Variants in CELF2 observed in about 807,000 individuals in gnomAD.
The protein encoded by CELF2 is CUGBP Elav-like family member 2, also known as CUG triplet repeat RNA-binding protein 2.
In CELF2, 8 loss-of-function variants were observed where a neutral mutation model predicts 62.6. The ratio of observed to expected loss-of-function variants is 0.13; its 90% CI spans 0.07 to 0.23. The LOEUF is 0.23. Ranked by LOEUF, CELF2 falls within the 10% of genes least tolerant of loss-of-function variation. The pLI, the probability that CELF2 is intolerant of heterozygous loss-of-function variation, is 1.00. For synonymous variants in CELF2, 258 were observed against 250.0 expected (o/e 1.03, Z -0.30); for missense variants, 333 against 671.0 (o/e 0.50, Z 5.56).
intron 1 of CELF2, among the ~76,000 whole-genome samples, chr10:11,084,379 T>G (rs2074853481): frequency 6.6e-6 from 1 of 152,218 alleles, no homozygotes; most frequent in African/African-American, 2.4e-5. Context: ...AGGTCCTTAC[T>G]GGGTTGAAAG....
the CELF2 span, among the ~76,000 whole-genome samples, chr10:10,748,550 C>A: frequency 6.6e-6 from 1 of 151,770 alleles, no homozygotes; most frequent in African/African-American, 2.4e-5. Context: ...AGATCGAGAC[C>A]ATCCTGGCTA....
At chr10:10,633,697 TTGAG>T in the CELF2 span, among the ~76,000 whole-genome samples, 1 of 119,422 alleles carries the variant, frequency 8.4e-6, no homozygotes, top group East Asian at 2.0e-4. Flanking sequence ...TTTGAGATTA[TTGAG>T]TATGTCTGTT....
rs34817797 is a variant in CELF2 at position 11,321,519 on chromosome 10, T to TAAA, written c.1294+145_1294+147dup. On this transcript the variant is annotated intron_variant, in intron 11 of 12. Transcript: ENST00000633077. This position sits in a 1 kb window ranked among gnomAD's most constrained non-coding sequence, Gnocchi z 6.2. ...AAGCAGTTGTTTTGTTATTCATGTTTAAAAAAAAAAAAAACTGAAAGCTGG... is the reference window on the plus strand; with the variant it reads ...AAGCAGTTGTTTTGTTATTCATGTTTAAAAAAAAAAAAAAAAACTGAAAGCTGG... 6.6e-5 allele frequency: 38 copies of TAAA among 572,318 alleles called. No individual in the cohort carries two copies. The highest frequency in any genetic ancestry group is 2.7e-4 in the African/African-American group (14 of 52,370). The allele number at this position is 572,318 out of a possible 1,614,324, so 35.5% of individuals were successfully genotyped here.
intron 4 of CELF2, among the ~76,000 whole-genome samples, chr10:11,256,572 T>G (rs944995801): frequency 2.4e-5 from 3 of 127,212 alleles, no homozygotes; most frequent in African/African-American, 7.9e-5. Flanking sequence ...CTGGCTAGCT[T>G]CTTTTTTTTT....
At chr10:10,887,841 G>A (rs1033259197) in intron 1 of CELF2, among the ~76,000 whole-genome samples, 7 of 150,862 alleles carry the variant, frequency 4.6e-5, no homozygotes, top group African/African-American at 7.3e-5. Context: ...CCACAGTCTC[G>A]GCTCACTGCA....
intron 2 of CELF2, among the ~76,000 whole-genome samples, chr10:10,920,744 G>A (rs1215594120): frequency 6.8e-6 from 1 of 147,946 alleles, no homozygotes; most frequent in Non-Finnish European, 1.5e-5. Context: ...AAGAGATGGG[G>A]GTAAGACTGG....
the CELF2 span, among the ~76,000 whole-genome samples, chr10:10,713,402 A>G: frequency 1.3e-5 from 2 of 152,162 alleles, no homozygotes; most frequent in Non-Finnish European, 2.9e-5. Flanking sequence ...ACTTCAGTAA[A>G]CACTTGGGGC....
rs1433263243 is a variant in CELF2 at position 11,332,610 on chromosome 10, G to A, written c.*3557G>A. 1 of 150,610 alleles carries A rather than the reference G, an allele frequency of 6.6e-6. No homozygotes were observed. Among genetic ancestry groups the A allele is most frequent in the Non-Finnish European group, 1.5e-5 (1 of 68,076 alleles). The allele number at this position is 150,610 out of a possible 1,614,324, so 9.3% of individuals were successfully genotyped here. On this transcript the variant is annotated 3_prime_UTR_variant, in exon 13 of 13. Transcript: ENST00000633077. ...TGTCACGCCTACAGCCCCAACACAA[G>A]CTCCAGTCTTCCTCTTCGGCATGCC...
At chr10:10,639,557 T>C in the CELF2 span, among the ~76,000 whole-genome samples, 1 of 152,206 alleles carries the variant, frequency 6.6e-6, no homozygotes, top group South Asian at 2.1e-4. Context: ...CAACTATGCT[T>C]CCTAAATGAC....
rs1278698453 is a variant in CELF2, at chr10:10,947,661, G to C, written c.89+27662G>C. ...GTTTACAGAATAAAGAAATGTATGA[G>C]GGGATGAGTGCCTACTGTGTAATCC... On this transcript the variant is annotated intron_variant, in intron 2 of 13. Transcript: ENST00000636488. This position sits in a 1 kb window ranked among gnomAD's most constrained non-coding sequence, Gnocchi z 4.1. 6.6e-6 allele frequency: 1 copy of C among 152,458 alleles called. No individual in the cohort carries two copies. The highest frequency in any genetic ancestry group is 1.5e-5 in the Non-Finnish European group (1 of 68,038). The allele number at this position is 152,458 out of a possible 1,614,324, so 9.4% of individuals were successfully genotyped here.
At chr10:11,144,900 GAAA>G (rs397846995) in intron 1 of CELF2, among the ~76,000 whole-genome samples, 4,680 of 73,962 alleles carry the variant, frequency 0.063, 65 homozygotes, top group Middle Eastern at 0.12. Context: ...TCAGGAAACA[GAAA>G]AAAAAAAAAA....
the CELF2 span, among the ~76,000 whole-genome samples, chr10:10,565,484 C>G: frequency 6.6e-6 from 1 of 152,208 alleles, no homozygotes; most frequent in Non-Finnish European, 1.5e-5. Context: ...ACTGGAATCT[C>G]TCATTATCCT....
In CELF2 at chr10:10,972,251, A is replaced by G. The variant is rs1025632622; in HGVS notation, c.89+52252A>G. On this transcript the variant is annotated intron_variant, in intron 2 of 13. Coordinates refer to the CELF2 transcript ENST00000636488. This position sits in a 1 kb window ranked among gnomAD's most constrained non-coding sequence, Gnocchi z 4.4. ...AACACAACTTTTGAAGGATATGAAT[A>G]GGTTTTATAGAAAATGAAGAGTTCT... Among the ~76,000 whole-genome samples the G allele has an allele frequency of 2.0e-5, 3 of 152,242 alleles. No individual in the cohort carries two copies. Among genetic ancestry groups the G allele is most frequent in the East Asian group, 3.8e-4 (2 of 5,204 alleles).
At chr10:10,574,059 A>G in the CELF2 span, among the ~76,000 whole-genome samples, 1 of 152,196 alleles carries the variant, frequency 6.6e-6, no homozygotes, top group Non-Finnish European at 1.5e-5. Context: ...TTGTATTTTA[A>G]AGAGAAGTTG....
chr10:10,589,764 G>A, the CELF2 span, among the ~76,000 whole-genome samples: 3 of 152,152 alleles, frequency 2.0e-5, no homozygotes, highest in African/African-American at 7.2e-5. Flanking sequence ...GAGAAATTAG[G>A]CAAATTCTCA....
intron 2 of CELF2, among the ~76,000 whole-genome samples, chr10:10,944,501 T>C (rs1341394370): frequency 6.6e-6 from 1 of 152,092 alleles, no homozygotes; most frequent in East Asian, 1.9e-4. Flanking sequence ...ATATAGGAAC[T>C]TCATTTCATT....
chr10:11,057,732 C>T lies in CELF2; in HGVS notation c.74+39569C>T, dbSNP rs564236614. Among the ~76,000 whole-genome samples, 5 of 152,230 alleles carry T rather than the reference C, an allele frequency of 3.3e-5. No homozygotes were observed. In the South Asian group the frequency reaches 1.0e-3, roughly 32 times the overall value. Reference sequence around the variant, plus strand: ...GATGGTGATTGTCAGATTATGACTTCGGGAATACAGGAGTCACAAAATGTT... The same window carrying T: ...GATGGTGATTGTCAGATTATGACTTTGGGAATACAGGAGTCACAAAATGTT... On this transcript the variant is annotated intron_variant, in intron 1 of 12. Transcript: ENST00000633077.
In CELF2 at chr10:11,255,433, C is replaced by T. The variant is rs1254373626; in HGVS notation, c.404-2305C>T. On this transcript the variant is annotated intron_variant, in intron 4 of 12. Transcript: ENST00000633077. This position sits in a 1 kb window ranked among gnomAD's most constrained non-coding sequence, Gnocchi z 5.5. ...CCACCCAAGCCAGGTCCCTACTGCC[C>T]CGCACTGTGCACCTTGCCTGGTTAG... 6.6e-6 allele frequency among the ~76,000 whole-genome samples: 1 copy of T among 152,162 alleles called. No homozygotes were observed. The highest frequency in any genetic ancestry group is 1.5e-5 in the Non-Finnish European group (1 of 68,030).
At chr10:10,735,339 C>T in the CELF2 span, among the ~76,000 whole-genome samples, 1 of 152,256 alleles carries the variant, frequency 6.6e-6, no homozygotes, top group East Asian at 1.9e-4. Context: ...TTTTAAAAAT[C>T]TCATCCGTGC....
Sources: gnomAD v4.1 joint callset for allele counts (sites outside exome capture counted in the v4.1 genomes callset) on GRCh38, gnomAD v4.1.1 for gene constraint, Gnocchi (gnomAD v3.1) non-coding constraint, MANE v1.5 for transcripts, NCBI Gene and HGNC (gene_info 2026-07-23, HGNC 2026-07-21) for gene names.